The following UBR2 variants were observed in gnomAD, a reference collection of about 807,000 sequenced individuals.
UBR2 encodes the protein ubiquitin protein ligase E3 component n-recognin 2.
In UBR2, 92 loss-of-function variants were observed where a neutral mutation model predicts 247.9. The ratio of observed to expected loss-of-function variants is 0.37; its 90% CI spans 0.31 to 0.44. The LOEUF (loss-of-function observed/expected upper bound fraction) is 0.44, where lower values mean the gene tolerates loss of function less well. Among genes scored for constraint, UBR2 ranks in the 20% least tolerant of loss-of-function variants. The probability of loss-of-function intolerance (pLI) is 1.00; values close to 1 mark genes in which losing one functional copy is unlikely to be tolerated. For missense variants in UBR2, 1,613 were observed against 2,112.6 expected, an observed-to-expected ratio of 0.76 and a Z score of 4.64; for synonymous variants, 672 against 693.5, an observed-to-expected ratio of 0.97 and a Z score of 0.49.
intron 11 of UBR2, among the ~76,000 whole-genome samples, chr6:42,622,430 C>T (rs1340046163): frequency 6.9e-6 from 1 of 144,502 alleles, no homozygotes; most frequent in Non-Finnish European, 1.5e-5. Context: ...GAGACAGAAC[C>T]TCACTCTGTT....
rs116015951 is a variant in UBR2 at position 42,645,977 on chromosome 6, C to T, written c.2409+387C>T. ...AGTCAGAAGTGCCTACTCACCTATA[C>T]TGAGTAGAATAAATAATGTTTTCCT... is the stretch of plus-strand genomic sequence containing the variant. On this transcript the variant is annotated intron_variant, in intron 21 of 46. Coordinates refer to ENST00000372901, the MANE Select transcript of UBR2 (RefSeq NM_001363705.2). Among the ~76,000 whole-genome samples, 686 of 152,240 alleles carry T rather than the reference C, an allele frequency of 4.5e-3. 3 individuals are homozygous for T. Among genetic ancestry groups the T allele is most frequent in the African/African-American group, 0.014 (568 of 41,536 alleles).
At chr6:42,653,848 G>A (rs1000316654) in intron 25 of UBR2, among the ~76,000 whole-genome samples, 8 of 151,782 alleles carry the variant, frequency 5.3e-5, no homozygotes, top group Non-Finnish European at 1.0e-4. Context: ...AACTCCCAGC[G>A]TCAGGTGATC....
At chr6:42,577,142 C>T (rs181713377) in intron 2 of UBR2, among the ~76,000 whole-genome samples, 1 of 152,102 alleles carries the variant, frequency 6.6e-6, no homozygotes, top group African/African-American at 2.4e-5. Flanking sequence ...ACCCAGCGCC[C>T]TGGTAAAATG....
chr6:42,679,543 C>T (rs1366735002), intron 41 of UBR2, among the ~76,000 whole-genome samples, 181 bp from the exon 42 acceptor site: 1 of 152,260 alleles, frequency 6.6e-6, no homozygotes. Flanking sequence ...CTGCACTTGA[C>T]GCATTGCGTC....
intron 8 of UBR2, among the ~76,000 whole-genome samples, chr6:42,614,203 A>AAAATAT (rs1794289352): frequency 1.8e-5 from 1 of 54,798 alleles, no homozygotes; most frequent in African/African-American, 8.4e-5. Flanking sequence ...AAAAAAAAAA[A>AAAATAT]AACTATATAT....
At chr6:42,619,350 CT>C (rs1377656390) in intron 11 of UBR2, 2 of 132,288 alleles carry the variant, frequency 1.5e-5, no homozygotes, top group Non-Finnish European at 3.1e-5. Context: ...ATAATTTGTC[CT>C]TGTTTATTCA....
intron 11 of UBR2, among the ~76,000 whole-genome samples, chr6:42,630,938 C>T (rs914553723): frequency 1.3e-5 from 2 of 152,044 alleles, no homozygotes; most frequent in African/African-American, 4.8e-5. Context: ...TCCCAGGTAG[C>T]TGGGAATACA....
At chr6:42,660,704 G>A (rs951247954) in intron 30 of UBR2, among the ~76,000 whole-genome samples, 1 of 152,084 alleles carries the variant, frequency 6.6e-6, no homozygotes, top group South Asian at 2.1e-4. Flanking sequence ...GCTCATGCCT[G>A]TAATCCCAGC....
rs1291153039 is a variant in UBR2 at position 42,635,493 on chromosome 6, C to G, written c.1621C>G (p.Gln541Glu). 1.2e-6 allele frequency: 2 copies of G among 1,613,540 alleles called. No homozygotes were observed. Among genetic ancestry groups the G allele is most frequent in the Non-Finnish European group, 1.7e-6 (2 of 1,179,614 alleles). The change falls in exon 14 of 47, where the codon CAA (glutamine) becomes GAA (glutamate). Residue 541 changes from glutamine to glutamate, a missense_variant. Transcript: ENST00000372901. ...EPEWEAAFTL[Q>E]MKLTHVISMM... is the part of the protein sequence containing the mutation. ...AGAGTGGGAAGCAGCCTTCACACTA[C>G]AAATGAAATTAACACATGTCATTTC... is the stretch of plus-strand genomic sequence containing the variant.
Position 42,691,015 on chromosome 6 carries a change from G to C in UBR2, c.5127-17G>C. 1 of 1,613,160 alleles carries C rather than the reference G, an allele frequency of 6.2e-7. No individual in the cohort carries two copies. Among genetic ancestry groups the C allele is most frequent in the African/African-American group, 1.3e-5 (1 of 74,932 alleles). On this transcript the variant is annotated splice_polypyrimidine_tract_variant and intron_variant, in intron 46 of 46. Coordinates refer to ENST00000372901, the MANE Select transcript of UBR2 (RefSeq NM_001363705.2). ...AAACAGAACACATTCTGAGTGACATGTGTCTTCTCTTTCTAGACGGGGAAA... is the reference window on the plus strand; with the variant it reads ...AAACAGAACACATTCTGAGTGACATCTGTCTTCTCTTTCTAGACGGGGAAA...
intron 13 of UBR2, among the ~76,000 whole-genome samples, chr6:42,633,163 TTTGTTGTTGTTGTTG>T (rs78126394): frequency 4.2e-4 from 63 of 149,626 alleles, no homozygotes; most frequent in Non-Finnish European, 4.2e-4. Context: ...GCCCAGCTTC[TTTGTTGTTGTTGTTG>T]TTGTTGTTGT....
intron 4 of UBR2, 106 bp from the exon 5 acceptor site, chr6:42,603,482 C>G (rs1230920271): frequency 9.2e-7 from 1 of 1,091,710 alleles, no homozygotes; most frequent in African/African-American, 1.7e-5. Flanking sequence ...GCTGGAAGAC[C>G]AGTCAACTTT....
intron 2 of UBR2, among the ~76,000 whole-genome samples, chr6:42,580,346 A>G (rs1286557538): frequency 1.3e-5 from 2 of 152,214 alleles, no homozygotes; most frequent in African/African-American, 4.8e-5. Context: ...ACATGGTGGT[A>G]TCATCAACTT....
At chr6:42,580,833 G>A (rs1485960835) in intron 2 of UBR2, among the ~76,000 whole-genome samples, 2 of 152,072 alleles carry the variant, frequency 1.3e-5, no homozygotes, top group Non-Finnish European at 2.9e-5. Context: ...GAGCCACCGC[G>A]CCCGGCCTTA....
At chr6:42,627,154 G>A (rs1795403611) in intron 11 of UBR2, among the ~76,000 whole-genome samples, 1 of 152,120 alleles carries the variant, frequency 6.6e-6, no homozygotes, top group Non-Finnish European at 1.5e-5. Context: ...GTCCAGGGTG[G>A]AATCACAGGG....
intron 42 of UBR2, 23 bp downstream of exon 42, chr6:42,679,855 T>G: frequency 3.2e-6 from 5 of 1,557,950 alleles, no homozygotes; most frequent in Non-Finnish European, 4.4e-6. Flanking sequence ...TACTTTTCTT[T>G]GTTGTATTAA....
At chr6:42,607,725 T>C (rs1291651933) in intron 7 of UBR2, among the ~76,000 whole-genome samples, 1 of 147,182 alleles carries the variant, frequency 6.8e-6, no homozygotes, top group African/African-American at 2.5e-5. Flanking sequence ...TTTTTTTTTT[T>C]TTTTTTTTTA....
At chr6:42,572,216 C>A (rs1791196847) in intron 1 of UBR2, among the ~76,000 whole-genome samples, 1 of 152,132 alleles carries the variant, frequency 6.6e-6, no homozygotes, top group Non-Finnish European at 1.5e-5. Context: ...AAAACTCTTT[C>A]ACCGTTTTTG....
intron 2 of UBR2, among the ~76,000 whole-genome samples, chr6:42,584,810 GAAGA>G (rs1562284461): frequency 1.3e-5 from 2 of 151,930 alleles, no homozygotes; most frequent in South Asian, 2.1e-4. Context: ...CTGCCATTAT[GAAGA>G]AATACAGCTG....
Sources: allele counts gnomAD v4.1 joint callset (sites outside exome capture counted in the v4.1 genomes callset), GRCh38; gene constraint gnomAD v4.1.1; transcripts MANE v1.5; gene names NCBI Gene and HGNC (gene_info 2026-07-23, HGNC 2026-07-21).